FNIP2: variants seen among roughly 807,000 people sequenced by gnomAD.
The protein encoded by FNIP2 is folliculin interacting protein 2.
FNIP2 carries 32 observed loss-of-function variants against 108.7 expected under a neutral mutation model. That is an observed-to-expected ratio of 0.29 (90% CI 0.22 to 0.40). The LOEUF is 0.40. Ranked by LOEUF, FNIP2 falls within the 10% of genes least tolerant of loss-of-function variation. The pLI is 1.00. For missense variants in FNIP2, 1,202 were observed against 1,381.6 expected, an observed-to-expected ratio of 0.87 and a Z score of 2.06; for synonymous variants, 480 against 496.7, an observed-to-expected ratio of 0.97 and a Z score of 0.45.
chr4:158,775,876 T>A (rs1266890791), intron 1 of FNIP2, among the ~76,000 whole-genome samples: 1 of 152,172 alleles, frequency 6.6e-6, no homozygotes. Context: ...TATTTCTGTC[T>A]CCTGAACTGT....
chr4:158,886,885 T>G (rs953452125), intron 14 of FNIP2, among the ~76,000 whole-genome samples: 1 of 152,214 alleles, frequency 6.6e-6, no homozygotes, highest in Admixed American at 6.5e-5. Context: ...GTAGGCTTTT[T>G]GGTTTGTTTT....
At chr4:158,855,211 C>T (rs1005302657) in intron 8 of FNIP2, among the ~76,000 whole-genome samples, 10 of 152,034 alleles carry the variant, frequency 6.6e-5, no homozygotes, top group East Asian at 5.8e-4. Flanking sequence ...AGACTTCATC[C>T]GAACACATGC....
At chr4:158,871,342 A>G (rs925228370) in intron 14 of FNIP2, 1 of 968,812 alleles carries the variant, frequency 1.0e-6, no homozygotes, top group Non-Finnish European at 1.2e-6. Flanking sequence ...TGCAATAGGG[A>G]AAGTCCTCAT....
rs200307958 is a variant in FNIP2 at position 158,904,530 on chromosome 4, C to T, written c.3331C>T (p.Gln1111Ter). 30 of 1,612,762 alleles carry T rather than the reference C, an allele frequency of 1.9e-5. No individual in the cohort carries two copies. The African/African-American group carries it at 2.7e-4, about 14-fold the overall frequency. ...IASTHSPYVA[Q>*]ILL ...CAGTACTCATTCTCCTTATGTGGCTCAAATACTCTTATAAGCTAAAGCTCA... is the reference window on the plus strand; with the variant it reads ...CAGTACTCATTCTCCTTATGTGGCTTAAATACTCTTATAAGCTAAAGCTCA... Residue 1111 changes from glutamine (Q) to a stop codon, truncating the protein, a stop_gained, in exon 17 of 17, where the codon CAA becomes TAA. Coordinates refer to ENST00000264433, the MANE Select transcript of FNIP2 (RefSeq NM_020840.3). LOFTEE classifies it high-confidence loss of function.
rs754603388 is a variant in FNIP2, at chr4:158,861,698, T to G, written c.1387T>G (p.Phe463Val). 8 of 1,614,010 alleles carry G rather than the reference T, an allele frequency of 5.0e-6. No homozygotes were observed. The highest frequency in any genetic ancestry group is 6.8e-6 in the Non-Finnish European group (8 of 1,179,900). Reference protein sequence around the residue: ...MPVDHPPIKAFSEKRTSQSVN... With the variant: ...MPVDHPPIKAVSEKRTSQSVN... ...TGTGGATCACCCTCCCATCAAAGCC[T>G]TCTCAGAGAAACGTACCTCCCAGTC... Residue 463 changes from phenylalanine to valine, a missense_variant, in exon 12 of 17, where the codon TTC becomes GTC. Physicochemically the swap from Phe to Val is conservative, Grantham distance 50 (BLOSUM62 -1). Transcript: ENST00000264433.
chr4:158,889,607 A>C (rs1374832459), intron 14 of FNIP2, among the ~76,000 whole-genome samples: 2 of 152,178 alleles, frequency 1.3e-5, no homozygotes, highest in Non-Finnish European at 2.9e-5. Context: ...CCCTTTGCAA[A>C]AGCTAGAATT....
chr4:158,873,432 C>G (rs1781077281), intron 14 of FNIP2, among the ~76,000 whole-genome samples: 1 of 151,996 alleles, frequency 6.6e-6, no homozygotes, highest in African/African-American at 2.4e-5. Flanking sequence ...CCAGGCTGGA[C>G]TTGAACTGGG....
At chr4:158,827,269 T>A (rs1399594871) in intron 2 of FNIP2, among the ~76,000 whole-genome samples, 6 of 152,234 alleles carry the variant, frequency 3.9e-5, no homozygotes, top group African/African-American at 7.2e-5. Flanking sequence ...TCTTAGTTTC[T>A]TGAATTATTT....
intron 14 of FNIP2, among the ~76,000 whole-genome samples, chr4:158,873,035 C>T (rs1367037050): frequency 6.6e-6 from 1 of 152,010 alleles, no homozygotes; most frequent in Admixed American, 6.6e-5. Context: ...TGGCTCACGC[C>T]TGTAATCCCA....
intron 1 of FNIP2, among the ~76,000 whole-genome samples, chr4:158,824,768 C>T (rs921161882): frequency 2.0e-5 from 3 of 152,094 alleles, no homozygotes; most frequent in African/African-American, 7.2e-5. Flanking sequence ...TTCCACCTCA[C>T]GGCACTCACT....
At chr4:158,832,515 A>C (rs1387427530) in intron 5 of FNIP2, among the ~76,000 whole-genome samples, 2 of 152,244 alleles carry the variant, frequency 1.3e-5, no homozygotes, top group Non-Finnish European at 2.9e-5. Context: ...TTCAAGCAGA[A>C]ATATTTCATA....
intron 2 of FNIP2, among the ~76,000 whole-genome samples, chr4:158,827,590 C>T (rs926245368): frequency 1.3e-5 from 2 of 152,182 alleles, no homozygotes; most frequent in Admixed American, 6.5e-5. Context: ...CATTGTACTC[C>T]AGCCAAAGGG....
At chr4:158,813,936 T>A (rs1454977304) in intron 1 of FNIP2, among the ~76,000 whole-genome samples, 1 of 152,234 alleles carries the variant, frequency 6.6e-6, no homozygotes, top group Admixed American at 6.5e-5. Flanking sequence ...GAAAAGACTG[T>A]CTTTGCTCCA....
intron 1 of FNIP2, among the ~76,000 whole-genome samples, chr4:158,785,322 G>T (rs1317596343): frequency 6.6e-6 from 1 of 151,972 alleles, no homozygotes; most frequent in African/African-American, 2.4e-5. Context: ...TTGACCTTGA[G>T]TTCCGCCCAC....
In FNIP2 at chr4:158,840,373, G is replaced by A. The variant is rs543662804; in HGVS notation, c.727+4897G>A. On this transcript the variant is annotated intron_variant, in intron 7 of 16. Coordinates refer to ENST00000264433, the MANE Select transcript of FNIP2 (RefSeq NM_020840.3). ...ACTGGCTCTAGTGAGATGGGTTGGA[G>A]TAGAAGCTAAAATTTGTTTTTTTGT... Among the ~76,000 whole-genome samples, 68 of 152,152 alleles carry A rather than the reference G, an allele frequency of 4.5e-4. No individual in the cohort carries two copies. The South Asian group carries it at 0.01, about 23-fold the overall frequency.
chr4:158,871,786 A>G, intron 14 of FNIP2: 8 of 985,072 alleles, frequency 8.1e-6, no homozygotes, highest in Non-Finnish European at 9.6e-6. Context: ...ATAGTTATGA[A>G]CACCATATAG....
chr4:158,870,508 T>C (rs1780881832), intron 14 of FNIP2, 39 bp downstream of exon 14: 1 of 1,570,454 alleles, frequency 6.4e-7, no homozygotes. Flanking sequence ...CTGCTGACAG[T>C]GTGTCAGTCA....
intron 16 of FNIP2, among the ~76,000 whole-genome samples, chr4:158,896,245 G>T (rs1782661465): frequency 1.3e-5 from 2 of 152,084 alleles, no homozygotes; most frequent in African/African-American, 4.8e-5. Flanking sequence ...CCTGGAGGAG[G>T]AGTAGGTTGG....
intron 3 of FNIP2, among the ~76,000 whole-genome samples, chr4:158,831,498 T>C (rs1330718489): frequency 6.6e-6 from 1 of 152,228 alleles, no homozygotes; most frequent in Non-Finnish European, 1.5e-5. Context: ...TTCAGGATGT[T>C]TTCTTAGTAC....
Sources: allele counts gnomAD v4.1 joint callset (sites outside exome capture counted in the v4.1 genomes callset), GRCh38; gene constraint gnomAD v4.1.1; transcripts MANE v1.5; gene names NCBI Gene and HGNC (gene_info 2026-07-23, HGNC 2026-07-21).